The following TBC1D19 variants were observed in gnomAD, a reference collection of about 807,000 sequenced individuals.
The protein encoded by TBC1D19 is TBC1 domain family, member 19.
A neutral mutation model predicts 89.0 loss-of-function variants in TBC1D19; 60 were observed. That is an observed-to-expected ratio of 0.67 (90% CI 0.55 to 0.84). TBC1D19 has a LOEUF of 0.84. Among genes scored for constraint, TBC1D19 ranks in the 40% least tolerant of loss-of-function variants. TBC1D19 has a pLI of 0.00. For missense variants in TBC1D19, 500 were observed against 610.8 expected (o/e 0.82, Z 1.91); for synonymous variants, 189 against 199.7 (o/e 0.95, Z 0.45).
At chr4:26,790,352 G>A in the TBC1D19 span, among the ~76,000 whole-genome samples, 2 of 152,096 alleles carry the variant, frequency 1.3e-5, no homozygotes, top group African/African-American at 2.4e-5. Context: ...CCACTGAACT[G>A]TTACTTGAGT....
At chr4:26,648,523 C>T (rs1365782851) in intron 7 of TBC1D19, among the ~76,000 whole-genome samples, 1 of 152,156 alleles carries the variant, frequency 6.6e-6, no homozygotes, top group Admixed American at 6.6e-5. Flanking sequence ...TCTTTGACTG[C>T]ACTGTCCCCA....
Position 26,698,259 on chromosome 4 carries a change from A to G in TBC1D19, c.954+9852A>G, listed in dbSNP as rs564905176. ...CAAAATCATGAGTGAACTCCCATTCACAATTGCTTCAAAGAGAATAAAATA... is the reference window on the plus strand; with the variant it reads ...CAAAATCATGAGTGAACTCCCATTCGCAATTGCTTCAAAGAGAATAAAATA... On this transcript the variant is annotated intron_variant, in intron 13 of 20. Transcript: ENST00000264866. 8.5e-5 allele frequency among the ~76,000 whole-genome samples: 13 copies of G among 152,328 alleles called. 1 individual carries two copies. The South Asian group carries it at 2.7e-3, about 32-fold the overall frequency.
chr4:26,614,764 G>A (rs966215651), intron 3 of TBC1D19, among the ~76,000 whole-genome samples: 6 of 152,050 alleles, frequency 3.9e-5, no homozygotes, highest in East Asian at 1.9e-4. Flanking sequence ...TGAAACCTCC[G>A]CCTCCCAGGT....
At chr4:26,758,504 A>G (rs1393089318), downstream of TBC1D19, among the ~76,000 whole-genome samples, 1 of 152,162 alleles carries the variant, frequency 6.6e-6, no homozygotes, top group Non-Finnish European at 1.5e-5. Context: ...GTCACCATGT[A>G]CTGTTCCTCT....
intron 12 of TBC1D19, among the ~76,000 whole-genome samples, chr4:26,686,730 T>C (rs996128243): frequency 2.0e-5 from 3 of 152,138 alleles, no homozygotes; most frequent in Non-Finnish European, 2.9e-5. Context: ...TCTACCTTTG[T>C]CTGGGTTGTC....
chr4:26,820,493 A>G, the TBC1D19 span, among the ~76,000 whole-genome samples: 1 of 152,206 alleles, frequency 6.6e-6, no homozygotes, highest in Non-Finnish European at 1.5e-5. Flanking sequence ...AACATCCTCC[A>G]GTTCCATCAT....
chr4:26,733,480 C>T (rs1717784847), intron 15 of TBC1D19, among the ~76,000 whole-genome samples: 1 of 152,088 alleles, frequency 6.6e-6, no homozygotes, highest in Admixed American at 6.6e-5. Context: ...CACACACACA[C>T]ACACTCTTTA....
the TBC1D19 span, among the ~76,000 whole-genome samples, chr4:26,782,482 C>G: frequency 6.6e-6 from 1 of 152,098 alleles, no homozygotes; most frequent in African/African-American, 2.4e-5. Flanking sequence ...AGGGCAGTCA[C>G]GGGGCTTGAA....
chr4:26,594,465 T>G (rs1740059852), intron 1 of TBC1D19, among the ~76,000 whole-genome samples: 1 of 152,080 alleles, frequency 6.6e-6, no homozygotes, highest in Non-Finnish European at 1.5e-5. Context: ...AACTGCCTGT[T>G]TTTCTGTGAC....
At chr4:26,730,333 A>G (rs929424363) in intron 15 of TBC1D19, among the ~76,000 whole-genome samples, 5 of 152,350 alleles carry the variant, frequency 3.3e-5, no homozygotes, top group African/African-American at 1.2e-4. Context: ...AATTATTAAA[A>G]GACAGTAAGA....
At chr4:26,652,031 G>A (rs1269852344) in intron 7 of TBC1D19, among the ~76,000 whole-genome samples, 4 of 151,944 alleles carry the variant, frequency 2.6e-5, no homozygotes, top group African/African-American at 9.7e-5. Flanking sequence ...ATTTGCATGT[G>A]TTTAACCAGC....
At chr4:26,820,077 C>A in the TBC1D19 span, among the ~76,000 whole-genome samples, 2 of 152,100 alleles carry the variant, frequency 1.3e-5, no homozygotes, top group African/African-American at 4.8e-5. Context: ...TTGTGGGGTA[C>A]AATGTGATGC....
At chr4:26,582,305 G>A (rs989040474), upstream of TBC1D19, among the ~76,000 whole-genome samples, 18 of 152,272 alleles carry the variant, frequency 1.2e-4, no homozygotes, top group African/African-American at 3.9e-4. Flanking sequence ...AGAAGAAAAT[G>A]AAACTGATAG....
At chr4:26,617,943 G>A (rs1271854169) in intron 3 of TBC1D19, among the ~76,000 whole-genome samples, 1 of 152,190 alleles carries the variant, frequency 6.6e-6, no homozygotes, top group Non-Finnish European at 1.5e-5. Context: ...GGTCTAAAAT[G>A]GAAGGATGTT....
chr4:26,679,057 A>G (rs901719736), intron 11 of TBC1D19, among the ~76,000 whole-genome samples: 22 of 152,220 alleles, frequency 1.4e-4, no homozygotes, highest in Non-Finnish European at 7.3e-5. Flanking sequence ...GGTAGAAAAG[A>G]AACACCCATT....
At chr4:26,639,802 T>C (rs1326292069) in intron 6 of TBC1D19, among the ~76,000 whole-genome samples, 1 of 152,208 alleles carries the variant, frequency 6.6e-6, no homozygotes, top group Non-Finnish European at 1.5e-5. Context: ...ACTAGAGGAA[T>C]TCACTAAGAA....
chr4:26,746,995 G>A lies in TBC1D19; in HGVS notation c.1320-1416G>A, dbSNP rs144088962. Among the ~76,000 whole-genome samples, 432 of 152,280 alleles carry A rather than the reference G, an allele frequency of 2.8e-3. 2 individuals are homozygous for A. Among genetic ancestry groups the A allele is most frequent in the African/African-American group, 9.9e-3 (410 of 41,558 alleles). On this transcript the variant is annotated intron_variant, in intron 18 of 20. Coordinates refer to ENST00000264866, the MANE Select transcript of TBC1D19 (RefSeq NM_018317.4). ...GATGATTCATATCTGGAGTGGGACCGTGCGAGCTTTCACCAGGCTACTCAA... is the reference window on the plus strand; with the variant it reads ...GATGATTCATATCTGGAGTGGGACCATGCGAGCTTTCACCAGGCTACTCAA...
chr4:26,640,769 C>G (rs1189746466), intron 7 of TBC1D19, among the ~76,000 whole-genome samples: 1 of 152,222 alleles, frequency 6.6e-6, no homozygotes, highest in Non-Finnish European at 1.5e-5. Context: ...ATGCCTGGCT[C>G]AGCAGGTCCC....
At chr4:26,616,496 AT>A (rs1741709616) in intron 3 of TBC1D19, among the ~76,000 whole-genome samples, 2 of 152,192 alleles carry the variant, frequency 1.3e-5, no homozygotes, top group African/African-American at 4.8e-5. Flanking sequence ...ATTCTGTTGC[AT>A]TTTTCATTGG....
Sources: gnomAD v4.1 joint callset for allele counts (sites outside exome capture counted in the v4.1 genomes callset) on GRCh38, gnomAD v4.1.1 for gene constraint, MANE v1.5 for transcripts, NCBI Gene and HGNC (gene_info 2026-07-23, HGNC 2026-07-21) for gene names.